TTC39B: variants seen among roughly 807,000 people sequenced by gnomAD.
TTC39B encodes tetratricopeptide repeat domain 39B.
A neutral mutation model predicts 96.6 loss-of-function variants in TTC39B; 92 were observed. The observed-to-expected ratio is 0.95, with a 90% CI of 0.80 to 1.13. TTC39B has a LOEUF of 1.13. TTC39B is among the 50% of genes most tolerant of loss of function. The pLI is 0.00. For synonymous variants in TTC39B, 367 were observed against 299.4 expected, an observed-to-expected ratio of 1.23 and a Z score of -2.33; for missense variants, 955 against 809.3, an observed-to-expected ratio of 1.18 and a Z score of -2.18.
intron 2 of TTC39B, chr9:15,249,776 T>C: frequency 1.7e-6 from 1 of 575,084 alleles, no homozygotes; most frequent in Non-Finnish European, 2.4e-6. Flanking sequence ...CAATGTCATC[T>C]AACAAAAACT....
chr9:15,305,939 G>C (rs1824739574), intron 1 of TTC39B, among the ~76,000 whole-genome samples: 1 of 152,012 alleles, frequency 6.6e-6, no homozygotes, highest in African/African-American at 2.4e-5. Context: ...CTGTAAGCAA[G>C]GGTCTGGACA....
chr9:15,215,283 A>G (rs762946929), intron 3 of TTC39B, among the ~76,000 whole-genome samples: 1 of 151,252 alleles, frequency 6.6e-6, no homozygotes, highest in Non-Finnish European at 1.5e-5. Flanking sequence ...GTGGCTGATT[A>G]CAGGCTCAAA....
chr9:15,280,700 C>T (rs746791628), intron 1 of TTC39B, among the ~76,000 whole-genome samples: 1 of 152,164 alleles, frequency 6.6e-6, no homozygotes, highest in Non-Finnish European at 1.5e-5. Context: ...GAAAAGGGGC[C>T]AGCAGGGGAG....
At chr9:15,165,380 T>G (rs1051564831) in exon 20 of TTC39B, 1 of 152,002 alleles carries the variant, frequency 6.6e-6, no homozygotes, top group African/African-American at 2.4e-5. Flanking sequence ...GTGAACTCAT[T>G]TATTATCCCC....
chr9:15,235,651 T>A (rs1476524543), intron 2 of TTC39B, among the ~76,000 whole-genome samples: 2 of 152,060 alleles, frequency 1.3e-5, no homozygotes, highest in Non-Finnish European at 2.9e-5. Flanking sequence ...GAGATTGGGG[T>A]CTATTTTTAG....
At chr9:15,167,817 C>G (rs1323718758) in exon 20 of TTC39B, 1 of 152,144 alleles carries the variant, frequency 6.6e-6, no homozygotes, top group Non-Finnish European at 1.5e-5. Flanking sequence ...TTCTATAACT[C>G]TAACAACTGT....
rs902143038 is a variant in TTC39B at position 15,184,049 on chromosome 9, G to A, written c.1614+1231C>T. Among the ~76,000 whole-genome samples, 3 of 151,728 alleles carry A rather than the reference G, an allele frequency of 2.0e-5. No homozygotes were observed. In the South Asian group the frequency reaches 6.3e-4, roughly 32 times the overall value. ...ATAAAAGGCTCCCATAAGTCACTAA[G>A]AAAACAATCAACAACCCAATGAAAA... On this transcript the variant is annotated intron_variant, in intron 16 of 19. Transcript: ENST00000512701.
rs372512543 is a variant in TTC39B at position 15,189,692 on chromosome 9, G to T, written c.1173+33C>A. The T allele has an allele frequency of 6.6e-5, 106 of 1,613,876 alleles. No individual in the cohort carries two copies. In the African/African-American group the frequency reaches 9.6e-4, roughly 15 times the overall value. On this transcript the variant is annotated intron_variant, in intron 12 of 19. Coordinates refer to ENST00000512701, the Ensembl canonical transcript of TTC39B. ...AGTCAACACTGGCTGATTAATTATG[G>T]TTGAAACATACACTTTGAAATACTG...
At chr9:15,229,170 G>T (rs947954137) in intron 2 of TTC39B, among the ~76,000 whole-genome samples, 9 of 152,126 alleles carry the variant, frequency 5.9e-5, no homozygotes, top group Non-Finnish European at 1.2e-4. Flanking sequence ...AAATACTATT[G>T]CAAACACACA....
chr9:15,276,334 A>G (rs1466689374), intron 1 of TTC39B, among the ~76,000 whole-genome samples: 2 of 152,124 alleles, frequency 1.3e-5, no homozygotes, highest in Non-Finnish European at 2.9e-5. Context: ...TAGTATCCCT[A>G]TAGAAAATCC....
At chr9:15,246,678 G>C (rs779852567) in intron 2 of TTC39B, among the ~76,000 whole-genome samples, 87 of 152,324 alleles carry the variant, frequency 5.7e-4, no homozygotes, top group African/African-American at 1.9e-3. Flanking sequence ...TATGCTGTGA[G>C]GAAGCTCAAG....
intron 2 of TTC39B, among the ~76,000 whole-genome samples, chr9:15,246,165 A>G (rs1456629598): frequency 6.6e-6 from 1 of 152,168 alleles, no homozygotes; most frequent in Non-Finnish European, 1.5e-5. Context: ...AGGCAGGAGA[A>G]TTGCTTGAAC....
At chr9:15,187,945 A>C (rs750787676) in intron 14 of TTC39B, 26 bp downstream of exon 14, 8 of 1,542,928 alleles carry the variant, frequency 5.2e-6, no homozygotes, top group Non-Finnish European at 7.0e-6. Context: ...CAAACAGATG[A>C]CATTAATGAA....
intron 8 of TTC39B, 28 bp downstream of exon 8, chr9:15,199,833 A>C: frequency 7.4e-7 from 1 of 1,344,190 alleles, no homozygotes; most frequent in Non-Finnish European, 1.0e-6. Flanking sequence ...AAAATTATTT[A>C]CAAACCACAT....
intron 19 of TTC39B, among the ~76,000 whole-genome samples, chr9:15,173,695 A>G (rs1188262136): frequency 6.6e-6 from 1 of 152,154 alleles, no homozygotes; most frequent in Non-Finnish European, 1.5e-5. Flanking sequence ...TCACAAAATG[A>G]CTTCATCACA....
At chr9:15,202,604 C>T (rs1328111978) in intron 7 of TTC39B, among the ~76,000 whole-genome samples, 3 of 151,712 alleles carry the variant, frequency 2.0e-5, no homozygotes, top group African/African-American at 4.8e-5. Context: ...CCCAGCTACT[C>T]GGGGGGCTGA....
chr9:15,207,769 A>G (rs909243348), intron 6 of TTC39B, among the ~76,000 whole-genome samples: 1 of 151,626 alleles, frequency 6.6e-6, no homozygotes, highest in Non-Finnish European at 1.5e-5. Flanking sequence ...GCGGATCACA[A>G]GGTCAGGAGA....
In TTC39B at chr9:15,190,211, T is replaced by C. The variant is rs144707739; in HGVS notation, c.1105+343A>G. ...CTACTCCTTCTGCTAAATGTCACTA[T>C]GACAAAGGACACTATTTTCTACCTT... is the stretch of plus-strand genomic sequence containing the variant. On this transcript the variant is annotated intron_variant, in intron 11 of 19. Transcript: ENST00000512701. 1.7e-3 allele frequency among the ~76,000 whole-genome samples: 265 copies of C among 152,266 alleles called. 5 individuals are homozygous for C. The East Asian group carries it at 0.046, about 27-fold the overall frequency.
At chr9:15,307,216 G>A (rs778785655) in exon 1 of TTC39B, 25 of 1,557,058 alleles carry the variant, frequency 1.6e-5, no homozygotes, top group South Asian at 1.3e-4. Context: ...CAGCGCAAAG[G>A]AGGGCAAAAG....
Sources: allele counts gnomAD v4.1 joint callset (sites outside exome capture counted in the v4.1 genomes callset), GRCh38; gene constraint gnomAD v4.1.1; transcripts MANE v1.5; gene names NCBI Gene and HGNC (gene_info 2026-07-23, HGNC 2026-07-21).